Variants in KLRG2 observed in about 807,000 individuals in gnomAD.
KLRG2 encodes the protein killer cell lectin like receptor G2.
KLRG2 carries 39 observed loss-of-function variants against 35.4 expected under a neutral mutation model. The observed-to-expected ratio is 1.10, with a 90% CI of 0.85 to 1.44. KLRG2 has a LOEUF of 1.44. KLRG2 is among the 40% of genes most tolerant of loss of function. KLRG2 has a pLI of 0.00. For missense variants in KLRG2, 632 were observed against 570.9 expected (o/e 1.11, Z -1.09); for synonymous variants, 283 against 265.8 (o/e 1.06, Z -0.63).
intron 3 of KLRG2, 65 bp from the exon 4 acceptor site, chr7:139,454,279 A>G: frequency 1.3e-6 from 1 of 783,970 alleles, no homozygotes; most frequent in Non-Finnish European, 2.1e-6. Context: ...GGGCGTACGG[A>G]TTCCCTGGGG....
rs148233595 is a variant in KLRG2 at position 139,482,941 on chromosome 7, C to T, written c.702G>A (p.Leu234=). Residue 234 remains leucine (L), a synonymous_variant, in exon 1 of 5, where the codon TTG becomes TTA. Coordinates refer to ENST00000340940, the MANE Select transcript of KLRG2 (RefSeq NM_198508.4). ...CGTCGCCGTCCAACCCCGCGCGGGG[C>T]AACAGCGCCGCATCCTCCTTCTCCA... ...LGLEKEDAAL[L]PRAGLDGDEK... 4,216 of 1,489,392 alleles carry T rather than the reference C, an allele frequency of 2.8e-3. 71 individuals carry two copies. The African/African-American group carries it at 0.036, about 13-fold the overall frequency. 92.3% of individuals were successfully genotyped at this position (1,489,392 alleles called of 1,614,324 possible).
intron 1 of KLRG2, among the ~76,000 whole-genome samples, chr7:139,481,366 T>C (rs995418398): frequency 6.6e-6 from 1 of 152,194 alleles, no homozygotes; most frequent in African/African-American, 2.4e-5. Flanking sequence ...TAATATTCCA[T>C]CACACAGAAA....
At chr7:139,445,805 A>ATATATACG in the KLRG2 span, among the ~76,000 whole-genome samples, 1 of 138,902 alleles carries the variant, frequency 7.2e-6, no homozygotes, top group African/African-American at 3.2e-5. Flanking sequence ...GTGTATATAT[A>ATATATACG]TATGACGGAG....
downstream of KLRG2, among the ~76,000 whole-genome samples, chr7:139,452,068 A>G (rs986564252): frequency 6.7e-6 from 1 of 149,542 alleles, no homozygotes; most frequent in African/African-American, 2.5e-5. Context: ...TCCTGGGTTC[A>G]AGCAATTCTC....
chr7:139,453,799 C>G (rs1585160825), intron 4 of KLRG2, 92 bp from the exon 5 acceptor site: 1 of 1,474,108 alleles, frequency 6.8e-7, no homozygotes, highest in East Asian at 2.4e-5. Flanking sequence ...TGCCTGTCAC[C>G]TCTACCGGCC....
chr7:139,465,703 A>G (rs1796641670), intron 3 of KLRG2, among the ~76,000 whole-genome samples: 2 of 151,596 alleles, frequency 1.3e-5, no homozygotes, highest in Admixed American at 6.6e-5. Context: ...AAAAAAAAAA[A>G]AAAGAAAGAA....
intron 3 of KLRG2, among the ~76,000 whole-genome samples, chr7:139,472,540 T>C (rs952269116): frequency 1.4e-5 from 2 of 143,898 alleles, no homozygotes; most frequent in African/African-American, 5.1e-5. Context: ...AGCCCAGGAG[T>C]TTAAGACCAG....
At chr7:139,469,842 C>T (rs569586309) in intron 3 of KLRG2, among the ~76,000 whole-genome samples, 1 of 152,228 alleles carries the variant, frequency 6.6e-6, no homozygotes, top group South Asian at 2.1e-4. Flanking sequence ...CCCTGAGGCC[C>T]GGCCATGCGT....
chr7:139,430,321 G>A, the KLRG2 span, among the ~76,000 whole-genome samples: 6 of 151,910 alleles, frequency 3.9e-5, no homozygotes, highest in Non-Finnish European at 8.8e-5. Context: ...AGAATCACTT[G>A]AATCTGGGAG....
intron 4 of KLRG2, 107 bp from the exon 5 acceptor site, chr7:139,453,814 C>T: frequency 1.5e-6 from 2 of 1,341,780 alleles, no homozygotes; most frequent in Non-Finnish European, 2.1e-6. Context: ...CCGGCCTGGG[C>T]ACTGAGTGAG....
chr7:139,447,759 A>G (rs992757067), downstream of KLRG2, among the ~76,000 whole-genome samples: 1 of 152,166 alleles, frequency 6.6e-6, no homozygotes, highest in East Asian at 1.9e-4. Flanking sequence ...AGCTAGGGGG[A>G]AAAAGCACTT....
downstream of KLRG2, among the ~76,000 whole-genome samples, chr7:139,448,420 G>C (rs1486388838): frequency 1.3e-5 from 2 of 152,186 alleles, no homozygotes; most frequent in Non-Finnish European, 2.9e-5. Flanking sequence ...TTAGAGATTT[G>C]TCTCTATATT....
chr7:139,453,716 G>T lies in KLRG2; in HGVS notation c.1110-9C>A. On this transcript the variant is annotated splice_polypyrimidine_tract_variant and intron_variant, in intron 4 of 4. Coordinates refer to ENST00000340940, the MANE Select transcript of KLRG2 (RefSeq NM_198508.4). ...CGCCGTCCTCAGGGAGTCTGGGAAAGGATGGGAGGGGAAAGAGGAGAGGTG... is the reference window on the plus strand; with the variant it reads ...CGCCGTCCTCAGGGAGTCTGGGAAATGATGGGAGGGGAAAGAGGAGAGGTG... The T allele has an allele frequency of 1.2e-6, 2 of 1,613,886 alleles. No homozygotes were observed. The highest frequency in any genetic ancestry group is 1.7e-6 in the Non-Finnish European group (2 of 1,179,908).
At chr7:139,480,618 T>G (rs1245438867) in intron 1 of KLRG2, among the ~76,000 whole-genome samples, 1 of 147,388 alleles carries the variant, frequency 6.8e-6, no homozygotes, top group Admixed American at 6.8e-5. Flanking sequence ...GCTAATTTTT[T>G]GTATTTTTAG....
chr7:139,428,082 A>G, the KLRG2 span, among the ~76,000 whole-genome samples: 11 of 152,124 alleles, frequency 7.2e-5, no homozygotes, highest in Non-Finnish European at 1.3e-4. Context: ...AGCAACAGAA[A>G]TGTCCATTAC....
chr7:139,472,033 G>A (rs555107448), intron 3 of KLRG2, among the ~76,000 whole-genome samples: 1 of 152,308 alleles, frequency 6.6e-6, no homozygotes, highest in African/African-American at 2.4e-5. Flanking sequence ...TCCCAGGACA[G>A]AGCCTGGACA....
chr7:139,445,767 G>GTATATATATATATGTGTATA, the KLRG2 span, among the ~76,000 whole-genome samples: 5 of 89,618 alleles, frequency 5.6e-5, no homozygotes, highest in African/African-American at 3.0e-4. Context: ...ATATGTGTAT[G>GTATATATATATATGTGTATA]TATATATATA....
the KLRG2 span, among the ~76,000 whole-genome samples, chr7:139,439,030 C>T: frequency 6.6e-6 from 1 of 151,176 alleles, no homozygotes. Flanking sequence ...ATACTTAGCA[C>T]CTGACCCAGT....
Position 139,453,696 on chromosome 7 carries a change from T to C in KLRG2, c.1121A>G (p.Asp374Gly). 1 of 1,613,956 alleles carries C rather than the reference T, an allele frequency of 6.2e-7. No homozygotes were observed. Among genetic ancestry groups the C allele is most frequent in the Non-Finnish European group, 8.5e-7 (1 of 1,179,974 alleles). Residue 374 changes from aspartate to glycine, a missense_variant, in exon 5 of 5, where the codon GAC becomes GGC. Asp to Gly is a moderately conservative substitution (Grantham distance 94). Transcript: ENST00000340940. ...APLPPQLLPEDGEDNLDINCG... is the reference protein window; with the variant it reads ...APLPPQLLPEGGEDNLDINCG... ...GTTGATATCCAGATTGTCCTCGCCG[T>C]CCTCAGGGAGTCTGGGAAAGGATGG...
Sources: allele counts gnomAD v4.1 joint callset (sites outside exome capture counted in the v4.1 genomes callset), GRCh38; gene constraint gnomAD v4.1.1; transcripts MANE v1.5; gene names NCBI Gene and HGNC (gene_info 2026-07-23, HGNC 2026-07-21).